Variants in NHSL1 observed in about 807,000 individuals in gnomAD.
The protein encoded by NHSL1 is NHS like 1.
In NHSL1, 48 loss-of-function variants were observed where a neutral mutation model predicts 95.0. The observed-to-expected ratio is 0.51, with a 90% CI of 0.40 to 0.64. NHSL1 has a LOEUF of 0.64. Among genes scored for constraint, NHSL1 ranks in the 30% least tolerant of loss-of-function variants. The pLI is 0.00. For missense variants in NHSL1, 1,971 were observed against 2,077.7 expected, an observed-to-expected ratio of 0.95 and a Z score of 1.00; for synonymous variants, 783 against 833.9, an observed-to-expected ratio of 0.94 and a Z score of 1.05.
intron 1 of NHSL1, among the ~76,000 whole-genome samples, chr6:138,662,000 C>A (rs9495190): frequency 6.6e-6 from 1 of 152,000 alleles, no homozygotes; most frequent in African/African-American, 2.4e-5. Context: ...CTTGAGCCCA[C>A]AAGTTTGAGG....
In NHSL1 at chr6:138,664,362, G is replaced by A. The variant is rs1046971994; in HGVS notation, c.96+28114C>T. Reference sequence around the variant, plus strand: ...ACCCAAGCCACACAAGCTAGTAGGAGCTTCTAGTGTGCAAGAAGTTCACAG... The same window carrying A: ...ACCCAAGCCACACAAGCTAGTAGGAACTTCTAGTGTGCAAGAAGTTCACAG... On this transcript the variant is annotated intron_variant, in intron 1 of 3. Coordinates refer to the NHSL1 transcript ENST00000491526. Among the ~76,000 whole-genome samples the A allele has an allele frequency of 2.6e-5, 4 of 152,308 alleles. No individual in the cohort carries two copies. In the South Asian group the frequency reaches 6.2e-4, roughly 24 times the overall value.
rs1782078681 is a variant in NHSL1 at position 138,530,263 on chromosome 6, C to T, written c.16+15360G>A. 2.0e-5 allele frequency among the ~76,000 whole-genome samples: 3 copies of T among 152,152 alleles called. No homozygotes were observed. In the South Asian group the frequency reaches 6.2e-4, roughly 32 times the overall value. ...AAAACTGCAATGAGATACCACCTTA[C>T]TCTTGCAAGAATGACCATGTTGGCA... is the stretch of plus-strand genomic sequence containing the variant. On this transcript the variant is annotated intron_variant, in intron 1 of 4. Transcript: ENST00000342260.
At position 138,679,238 on chromosome 6, in the gene NHSL1, C is replaced by A. The variant is rs576352156; in HGVS notation, c.96+13238G>T. Among the ~76,000 whole-genome samples, 16 of 152,120 alleles carry A rather than the reference C, an allele frequency of 1.1e-4. No individual in the cohort carries two copies. The East Asian group carries it at 2.9e-3, about 28-fold the overall frequency. On this transcript the variant is annotated intron_variant, in intron 1 of 3. Transcript: ENST00000491526. ...AAAAGTTGAGACAGATGTCAGACTG[C>A]CATTTTGGTGAAGGGGAAAGGGAAA...
At chr6:138,477,671 CTT>C (rs1252656797) in intron 2 of NHSL1, among the ~76,000 whole-genome samples, 4 of 152,086 alleles carry the variant, frequency 2.6e-5, no homozygotes, top group Non-Finnish European at 5.9e-5. Context: ...AATTATAAAA[CTT>C]AACACTACTC....
At position 138,471,252 on chromosome 6, in the gene NHSL1, T is replaced by C. The variant is rs75266042; in HGVS notation, c.339+2054A>G. Among the ~76,000 whole-genome samples the C allele has an allele frequency of 6.5e-3, 983 of 152,278 alleles. 24 individuals carry two copies. The highest frequency in any genetic ancestry group is 0.055 in the East Asian group (285 of 5,178). On this transcript the variant is annotated intron_variant, in intron 3 of 7. Coordinates refer to ENST00000343505, the MANE Select transcript of NHSL1 (RefSeq NM_001144060.2). ...CCAGAAAAATCTTAGGATGCTGTCA[T>C]GACAATGCCAATTTGCTAGTGGTCT...
intron 1 of NHSL1, among the ~76,000 whole-genome samples, chr6:138,527,859 T>C (rs1184370025): frequency 1.3e-5 from 2 of 152,152 alleles, no homozygotes; most frequent in African/African-American, 2.4e-5. Context: ...TTACCATCTG[T>C]GTAGTTGAGA....
At chr6:138,654,131 T>A (rs999188959) in intron 1 of NHSL1, among the ~76,000 whole-genome samples, 2 of 152,188 alleles carry the variant, frequency 1.3e-5, no homozygotes, top group African/African-American at 4.8e-5. Context: ...CAGCAGAGAA[T>A]CCAGAGCAGA....
At chr6:138,453,996 T>A (rs1177003765) in intron 3 of NHSL1, among the ~76,000 whole-genome samples, 1 of 151,990 alleles carries the variant, frequency 6.6e-6, no homozygotes, top group Non-Finnish European at 1.5e-5. Flanking sequence ...TTTGTAATCA[T>A]ATTTTAGAAT....
At chr6:138,569,435 G>A (rs571352676) in intron 1 of NHSL1, among the ~76,000 whole-genome samples, 1 of 152,146 alleles carries the variant, frequency 6.6e-6, no homozygotes, top group Non-Finnish European at 1.5e-5. Context: ...TGTGTGATTT[G>A]GGCAGAGAGA....
chr6:138,597,477 T>G (rs1244000792), intron 1 of NHSL1, among the ~76,000 whole-genome samples: 1 of 152,248 alleles, frequency 6.6e-6, no homozygotes, highest in Non-Finnish European at 1.5e-5. Flanking sequence ...AAATCAAACA[T>G]CACCATACAC....
chr6:138,649,265 C>G (rs1010982444), intron 1 of NHSL1, among the ~76,000 whole-genome samples: 2 of 152,154 alleles, frequency 1.3e-5, no homozygotes, highest in Non-Finnish European at 2.9e-5. Flanking sequence ...TCGTCTCTCA[C>G]TAGGAAAGGC....
chr6:138,432,006 C>G lies in NHSL1; in HGVS notation c.2339G>C (p.Trp780Ser). 1 of 1,551,772 alleles carries G rather than the reference C, an allele frequency of 6.4e-7. No homozygotes were observed. The highest frequency in any genetic ancestry group is 8.7e-7 in the Non-Finnish European group (1 of 1,147,008). ...SSVKSEYTDP[W>S]GYYIDYTGMQ... ...GCCCGTGTAGTCAATGTAATAACCC[C>G]AGGGGTCCGTGTACTCTGACTTGAC... The change falls in exon 6 of 8, where the codon TGG (tryptophan) becomes TCG (serine). Residue 780 changes from tryptophan (W) to serine (S), a missense_variant. By Grantham distance (177) the Trp-to-Ser change is radical. This residue lies in a region of NHSL1 where 1,602 missense variants were observed against 1,654.5 expected (regional missense o/e 0.97). Transcript: ENST00000343505. The surrounding 1 kb of genome is among the most constrained non-coding windows in gnomAD (Gnocchi z 4.4).
intron 5 of NHSL1, among the ~76,000 whole-genome samples, chr6:138,439,486 T>C (rs1290300566): frequency 3.9e-5 from 6 of 152,110 alleles, no homozygotes; most frequent in Admixed American, 3.9e-4. Context: ...AAGTGTAAAA[T>C]ACTGGGAAAA....
At chr6:138,624,618 A>G (rs1329263089) in intron 1 of NHSL1, among the ~76,000 whole-genome samples, 1 of 152,228 alleles carries the variant, frequency 6.6e-6, no homozygotes, top group African/African-American at 2.4e-5. Flanking sequence ...AAGATCTCTC[A>G]GAAACCTTTT....
intron 1 of NHSL1, among the ~76,000 whole-genome samples, chr6:138,586,925 A>G (rs1784143898): frequency 6.6e-6 from 1 of 151,428 alleles, no homozygotes; most frequent in African/African-American, 2.4e-5. Context: ...AAAGGTTCTT[A>G]TTCAATAGGT....
chr6:138,511,891 G>C (rs1781249282), intron 1 of NHSL1, among the ~76,000 whole-genome samples: 2 of 152,206 alleles, frequency 1.3e-5, no homozygotes, highest in African/African-American at 4.8e-5. Context: ...CTGGGCAATA[G>C]AGCGAGATCC....
intron 1 of NHSL1, among the ~76,000 whole-genome samples, chr6:138,645,976 A>G (rs1583464315): frequency 1.3e-5 from 2 of 152,358 alleles, no homozygotes; most frequent in African/African-American, 4.8e-5. Flanking sequence ...CAGCAAAAAG[A>G]TAAACCTAGA....
chr6:138,571,682 T>C (rs1783844245), intron 1 of NHSL1: 2 of 1,545,638 alleles, frequency 1.3e-6, no homozygotes, highest in Non-Finnish European at 1.7e-6. Context: ...CTTTTTCAAA[T>C]GTTTAAATTT....
intron 3 of NHSL1, among the ~76,000 whole-genome samples, chr6:138,461,120 A>T (rs1434639261): frequency 1.3e-5 from 2 of 152,098 alleles, no homozygotes; most frequent in East Asian, 3.9e-4. Context: ...GTTGTGGTTT[A>T]CTGAGGTGGT....
Sources: gnomAD v4.1 joint callset for allele counts (sites outside exome capture counted in the v4.1 genomes callset) on GRCh38, gnomAD v4.1.1 for gene constraint, gnomAD v4.1.1 regional missense constraint, Gnocchi (gnomAD v3.1) non-coding constraint, MANE v1.5 for transcripts, NCBI Gene and HGNC (gene_info 2026-07-23, HGNC 2026-07-21) for gene names.